TMEM232: variants seen among roughly 807,000 people sequenced by gnomAD.
TMEM232 encodes transmembrane protein 232.
TMEM232 carries 80 observed loss-of-function variants against 78.8 expected under a neutral mutation model. The observed-to-expected ratio is 1.01, with a 90% CI of 0.85 to 1.22. The LOEUF (loss-of-function observed/expected upper bound fraction) is 1.22. TMEM232 is among the 50% of genes most tolerant of loss of function. The pLI, the probability that TMEM232 is intolerant of heterozygous loss-of-function variation, is 0.00. For missense variants in TMEM232, 881 were observed against 742.2 expected (o/e 1.19, Z -2.17); for synonymous variants, 297 against 254.3 (o/e 1.17, Z -1.60).
intron 12 of TMEM232, among the ~76,000 whole-genome samples, chr5:110,524,869 AT>A (rs1770341897): frequency 6.6e-6 from 1 of 151,974 alleles, no homozygotes; most frequent in Non-Finnish European, 1.5e-5. Flanking sequence ...TTTCTAGTTA[AT>A]TCATCCTTTT....
Position 110,473,867 on chromosome 5 carries a change from G to T in TMEM232, c.1704-48951C>A, listed in dbSNP as rs1360963307. ...CATAGATAAACCTGGAGGACATTCT[G>T]TTAAGTGAAATAAGCCAGACACCAA... On this transcript the variant is annotated intron_variant, in intron 12 of 13. Coordinates refer to ENST00000455884, the MANE Select transcript of TMEM232 (RefSeq NM_001039763.4). Among the ~76,000 whole-genome samples, 5 of 95,782 alleles carry T rather than the reference G, an allele frequency of 5.2e-5. No homozygotes were observed. The East Asian group carries it at 1.8e-3, about 35-fold the overall frequency. The allele number at this position is 95,782 out of a possible 152,430, so 62.8% of individuals were successfully genotyped here.
rs1781276140 is a variant in TMEM232, at chr5:110,604,239, T to G, written c.1276+870A>C. ...TCACAATAAATCTGTAAAGTTTTTTTCAACCACAAAAGACTACTTTGAGTT... is the reference window on the plus strand; with the variant it reads ...TCACAATAAATCTGTAAAGTTTTTTGCAACCACAAAAGACTACTTTGAGTT... On this transcript the variant is annotated intron_variant, in intron 10 of 13. Transcript: ENST00000455884. Among the ~76,000 whole-genome samples the G allele has an allele frequency of 2.0e-5, 3 of 152,288 alleles. No homozygotes were observed. In the South Asian group the frequency reaches 6.2e-4, roughly 32 times the overall value.
At chr5:110,641,051 A>G (rs1786626137) in intron 3 of TMEM232, 55 bp from the exon 4 acceptor site, 3 of 1,134,470 alleles carry the variant, frequency 2.6e-6, no homozygotes, top group South Asian at 3.8e-5. Context: ...TTTTATATAT[A>G]TATTTATTTT....
intron 3 of TMEM232, among the ~76,000 whole-genome samples, chr5:110,394,070 A>G (rs1755300887): frequency 6.6e-6 from 1 of 152,040 alleles, no homozygotes; most frequent in Admixed American, 6.6e-5. Context: ...GCACTCATTA[A>G]CCATCTTTAT....
chr5:110,713,587 A>C (rs1159437087), intron 1 of TMEM232, among the ~76,000 whole-genome samples: 1 of 152,194 alleles, frequency 6.6e-6, no homozygotes, highest in Non-Finnish European at 1.5e-5. Context: ...AAAGCAATAA[A>C]GCTATTCATT....
chr5:110,652,414 C>A (rs1788467619), intron 2 of TMEM232, among the ~76,000 whole-genome samples: 1 of 151,992 alleles, frequency 6.6e-6, no homozygotes, highest in South Asian at 2.1e-4. Context: ...ATAGTTATGT[C>A]ATTTTATTTC....
intron 12 of TMEM232, among the ~76,000 whole-genome samples, chr5:110,491,572 G>A (rs1765100336): frequency 6.6e-6 from 1 of 151,940 alleles, no homozygotes; most frequent in Non-Finnish European, 1.5e-5. Flanking sequence ...TCTGAAATTA[G>A]GTTGAGGTAG....
At chr5:110,528,207 T>TA in intron 12 of TMEM232, among the ~76,000 whole-genome samples, 1 of 152,020 alleles carries the variant, frequency 6.6e-6, no homozygotes, top group East Asian at 1.9e-4. Flanking sequence ...TTTGAAGTCT[T>TA]ACTATGTTCA....
chr5:110,638,395 T>C, intron 4 of TMEM232, 40 bp from the exon 5 acceptor site: 1 of 1,484,658 alleles, frequency 6.7e-7, no homozygotes, highest in African/African-American at 1.4e-5. Context: ...CATTTGAAAA[T>C]CATCCTGTTT....
chr5:110,563,636 A>G (rs1267014488), intron 11 of TMEM232, among the ~76,000 whole-genome samples: 1 of 151,984 alleles, frequency 6.6e-6, no homozygotes, highest in African/African-American at 2.4e-5. Flanking sequence ...AACAGTTTAT[A>G]CAAAATTAGT....
chr5:110,538,758 A>T (rs1161925150), intron 11 of TMEM232, among the ~76,000 whole-genome samples: 1 of 152,062 alleles, frequency 6.6e-6, no homozygotes, highest in Non-Finnish European at 1.5e-5. Context: ...GGAACATTGT[A>T]ATTACTACTG....
intron 7 of TMEM232, among the ~76,000 whole-genome samples, chr5:110,621,958 G>C (rs1481327253): frequency 2.0e-5 from 3 of 152,146 alleles, no homozygotes; most frequent in African/African-American, 7.2e-5. Flanking sequence ...ATGAGTGTCT[G>C]ACTAGGCTCT....
chr5:110,510,044 T>C (rs1767534991), intron 12 of TMEM232, among the ~76,000 whole-genome samples: 1 of 152,312 alleles, frequency 6.6e-6, no homozygotes, highest in Non-Finnish European at 1.5e-5. Flanking sequence ...TTTTTCCATA[T>C]ATTGAATGGT....
intron 3 of TMEM232, among the ~76,000 whole-genome samples, chr5:110,395,911 T>C (rs1755367588): frequency 6.6e-6 from 1 of 152,150 alleles, no homozygotes; most frequent in Non-Finnish European, 1.5e-5. Flanking sequence ...CTGATGCAAC[T>C]ATCTTACACT....
At chr5:110,392,717 C>T (rs1444478515) in intron 3 of TMEM232, among the ~76,000 whole-genome samples, 1 of 152,146 alleles carries the variant, frequency 6.6e-6, no homozygotes, top group Non-Finnish European at 1.5e-5. Flanking sequence ...CCCAAAGGTT[C>T]CACCTCCAAA....
At chr5:110,697,241 C>T (rs1794896939) in intron 1 of TMEM232, among the ~76,000 whole-genome samples, 2 of 152,056 alleles carry the variant, frequency 1.3e-5, no homozygotes, top group Admixed American at 1.3e-4. Flanking sequence ...AACTGGCTAG[C>T]CACACATAGA....
chr5:110,406,521 T>C (rs182436215), intron 2 of TMEM232, among the ~76,000 whole-genome samples: 10 of 152,116 alleles, frequency 6.6e-5, no homozygotes, highest in Admixed American at 5.9e-4. Flanking sequence ...CAGAACATCA[T>C]AGCCAGCAAA....
At chr5:110,411,150 G>T (rs1053350285) in intron 2 of TMEM232, among the ~76,000 whole-genome samples, 3 of 152,126 alleles carry the variant, frequency 2.0e-5, no homozygotes, top group African/African-American at 7.2e-5. Flanking sequence ...TGTTCCTCTA[G>T]TTTGCTGTAG....
chr5:110,458,315 A>C (rs1391560089), intron 12 of TMEM232, among the ~76,000 whole-genome samples: 1 of 151,622 alleles, frequency 6.6e-6, no homozygotes, highest in Non-Finnish European at 1.5e-5. Flanking sequence ...GCTCTAGTAC[A>C]AAACAAGATC....
Sources: gnomAD v4.1 joint callset for allele counts (sites outside exome capture counted in the v4.1 genomes callset) on GRCh38, gnomAD v4.1.1 for gene constraint, MANE v1.5 for transcripts, NCBI Gene and HGNC (gene_info 2026-07-23, HGNC 2026-07-21) for gene names.